Variants in PRKAR2A observed in about 807,000 individuals in gnomAD.
PRKAR2A encodes protein kinase cAMP-dependent type II regulatory subunit alpha, also known as cAMP-dependent protein kinase type II-alpha regulatory subunit.
PRKAR2A carries 29 observed loss-of-function variants against 51.9 expected under a neutral mutation model. The observed-to-expected ratio is 0.56, with a 90% CI of 0.42 to 0.76. The LOEUF (loss-of-function observed/expected upper bound fraction) is 0.76. Ranked by LOEUF, PRKAR2A falls within the 30% of genes least tolerant of loss-of-function variation. PRKAR2A has a pLI of 0.00. For missense variants in PRKAR2A, 445 were observed against 512.1 expected, an observed-to-expected ratio of 0.87 and a Z score of 1.26; for synonymous variants, 178 against 186.2, an observed-to-expected ratio of 0.96 and a Z score of 0.36.
chr3:48,762,528 G>A (rs985687990), intron 8 of PRKAR2A, among the ~76,000 whole-genome samples: 4 of 152,240 alleles, frequency 2.6e-5, no homozygotes, highest in African/African-American at 9.6e-5. Flanking sequence ...CCAGCTACTC[G>A]GGAGGCTGAG....
intron 1 of PRKAR2A, among the ~76,000 whole-genome samples, chr3:48,842,610 GT>G (rs1172110599): frequency 6.6e-6 from 1 of 152,170 alleles, no homozygotes; most frequent in Admixed American, 6.6e-5. Flanking sequence ...TTTATTGAGC[GT>G]TTTTAGAATG....
intron 1 of PRKAR2A, among the ~76,000 whole-genome samples, chr3:48,836,619 G>A (rs941425555): frequency 2.6e-5 from 4 of 151,214 alleles, no homozygotes; most frequent in Non-Finnish European, 4.4e-5. Context: ...GCACAAACAA[G>A]AAAAGAAAAA....
intron 8 of PRKAR2A, among the ~76,000 whole-genome samples, chr3:48,757,651 G>A (rs983212856): frequency 5.9e-5 from 9 of 152,168 alleles, no homozygotes; most frequent in Non-Finnish European, 7.4e-5. Flanking sequence ...GGCCAGGCAC[G>A]GTGGCTCACA....
chr3:48,798,923 A>G (rs1248178810), intron 2 of PRKAR2A, among the ~76,000 whole-genome samples: 1 of 152,144 alleles, frequency 6.6e-6, no homozygotes, highest in African/African-American at 2.4e-5. Context: ...GGTCTCCCAA[A>G]ATGCTGGGAT....
At position 48,847,260 on chromosome 3, in the gene PRKAR2A, A is replaced by ACCTGGCTCCCTGCCACC; in HGVS notation, c.262+58_262+74dup. On this transcript the variant is annotated intron_variant, in intron 1 of 10. Transcript: ENST00000265563. This position sits in a 1 kb window ranked among gnomAD's most constrained non-coding sequence, Gnocchi z 4.4. ...GCGGTCGGCTTGGCTGCGGCGCGAC[A>ACCTGGCTCCCTGCCACC]CCTGGCTCCCTGCCACCCCTCTAGA... 6.5e-7 allele frequency: 1 copy of ACCTGGCTCCCTGCCACC among 1,527,138 alleles called. No individual in the cohort carries two copies. The highest frequency in any genetic ancestry group is 8.8e-7 in the Non-Finnish European group (1 of 1,130,872). 94.6% of individuals were successfully genotyped at this position (1,527,138 alleles called of 1,614,324 possible). A position where few individuals can be genotyped will look rare whatever the true frequency, so the allele number is the denominator to read the frequency against.
intron 5 of PRKAR2A, among the ~76,000 whole-genome samples, chr3:48,779,081 C>A (rs2082150611): frequency 6.6e-6 from 1 of 152,052 alleles, no homozygotes; most frequent in Non-Finnish European, 1.5e-5. Context: ...CCCACCTGGG[C>A]CTTCTAAAGT....
intron 2 of PRKAR2A, among the ~76,000 whole-genome samples, chr3:48,800,162 A>C (rs1196636368): frequency 1.6e-4 from 24 of 151,574 alleles, no homozygotes; most frequent in Admixed American, 1.6e-3. Flanking sequence ...CGGCCGACAA[A>C]GGAGGTTTTT....
intron 2 of PRKAR2A, among the ~76,000 whole-genome samples, chr3:48,807,220 T>G (rs2082687626): frequency 6.6e-6 from 1 of 152,074 alleles, no homozygotes; most frequent in Non-Finnish European, 1.5e-5. Context: ...GTGGACTCTC[T>G]CTACAAAACA....
chr3:48,832,610 C>T (rs1211240101), intron 1 of PRKAR2A, among the ~76,000 whole-genome samples: 11 of 152,086 alleles, frequency 7.2e-5, no homozygotes, highest in Admixed American at 5.2e-4. Flanking sequence ...CACAAAACAG[C>T]TGTCCCAACA....
intron 4 of PRKAR2A, among the ~76,000 whole-genome samples, chr3:48,783,810 A>C (rs905582224): frequency 6.6e-6 from 1 of 152,090 alleles, no homozygotes; most frequent in Non-Finnish European, 1.5e-5. Flanking sequence ...CGAACTCCTG[A>C]CCTCATGTAA....
chr3:48,745,063 C>T (rs1467995935), downstream of PRKAR2A, among the ~76,000 whole-genome samples: 4 of 151,694 alleles, frequency 2.6e-5, no homozygotes, highest in East Asian at 1.9e-4. Flanking sequence ...TTAGTAGAGA[C>T]GGGGTTTCAC....
rs1477789602 is a variant in PRKAR2A, at chr3:48,799,273, C to T, written c.299-5224G>A. Among the ~76,000 whole-genome samples, 4 of 152,272 alleles carry T rather than the reference C, an allele frequency of 2.6e-5. No homozygotes were observed. In the East Asian group the frequency reaches 7.7e-4, roughly 29 times the overall value. On this transcript the variant is annotated intron_variant, in intron 2 of 10. Transcript: ENST00000265563. ...GAAGATTAAAATAGCAACACAGTGG[C>T]CTGGCATGGTGGCTCACACCTGTAA...
chr3:48,836,475 T>TA (rs1237457666), intron 1 of PRKAR2A, among the ~76,000 whole-genome samples: 10 of 53,326 alleles, frequency 1.9e-4, no homozygotes, highest in Non-Finnish European at 3.7e-5. Flanking sequence ...TATATATATA[T>TA]TAAAAAAAAA....
intron 3 of PRKAR2A, 94 bp downstream of exon 3, chr3:48,793,903 T>G (rs766560151): frequency 1.0e-6 from 1 of 979,176 alleles, no homozygotes; most frequent in Non-Finnish European, 1.6e-6. Flanking sequence ...TAATTTGTAT[T>G]TAATTATTAG....
chr3:48,746,658 T>C lies in PRKAR2A; in HGVS notation c.*4927A>G, dbSNP rs541731567. 1 of 152,282 alleles carries C rather than the reference T, an allele frequency of 6.6e-6. No homozygotes were observed. 9.4% of individuals were successfully genotyped at this position (152,282 alleles called of 1,614,324 possible). On this transcript the variant is annotated 3_prime_UTR_variant, in exon 11 of 11. Transcript: ENST00000265563. ...TTCCTTAACAACAACAAAAAGAACATCAACCTTGTTTATGGCAAACAGTGA... is the reference window on the plus strand; with the variant it reads ...TTCCTTAACAACAACAAAAAGAACACCAACCTTGTTTATGGCAAACAGTGA...
chr3:48,789,039 T>G (rs1022018018), intron 4 of PRKAR2A, among the ~76,000 whole-genome samples: 1 of 152,022 alleles, frequency 6.6e-6, no homozygotes, highest in African/African-American at 2.4e-5. Context: ...AGTTAACTAT[T>G]ATCAATGAAG....
intron 8 of PRKAR2A, among the ~76,000 whole-genome samples, chr3:48,760,505 G>A (rs2081847317): frequency 6.6e-6 from 1 of 151,818 alleles, no homozygotes; most frequent in South Asian, 2.1e-4. Flanking sequence ...GAGAGGCCCT[G>A]TCTCTACAAA....
intron 1 of PRKAR2A, among the ~76,000 whole-genome samples, chr3:48,844,887 G>A (rs1053896995): frequency 1.3e-5 from 2 of 149,232 alleles, no homozygotes; most frequent in Non-Finnish European, 1.5e-5. Context: ...GCTAAATGAC[G>A]AGTTAATGGG....
rs376943466 is a variant in PRKAR2A, at chr3:48,777,700, A to C, written c.543-4592T>G. Among the ~76,000 whole-genome samples, 378 of 151,954 alleles carry C rather than the reference A, an allele frequency of 2.5e-3. 3 individuals carry two copies. The highest frequency in any genetic ancestry group is 8.2e-3 in the African/African-American group (342 of 41,478). On this transcript the variant is annotated intron_variant, in intron 5 of 10. Transcript: ENST00000265563. ...GATTACAAGTGTGAGGCACCGCGCC[A>C]GGCCTTTTATTTTTTTATATTCTAA...
Sources: allele counts gnomAD v4.1 joint callset (sites outside exome capture counted in the v4.1 genomes callset), GRCh38; gene constraint gnomAD v4.1.1; non-coding constraint Gnocchi (gnomAD v3.1); transcripts MANE v1.5; gene names NCBI Gene and HGNC (gene_info 2026-07-23, HGNC 2026-07-21).